POLA1: variants seen among roughly 807,000 people sequenced by gnomAD.
POLA1 encodes DNA polymerase alpha 1, catalytic subunit.
A neutral mutation model predicts 124.0 loss-of-function variants in POLA1; 15 were observed. The observed-to-expected ratio is 0.12, with a 90% CI of 0.08 to 0.19. The LOEUF is 0.19. Ranked by LOEUF, POLA1 falls within the 10% of genes least tolerant of loss-of-function variation. POLA1 has a pLI of 1.00. For missense variants in POLA1, 886 were observed against 1,103.4 expected (o/e 0.80, Z 2.79); for synonymous variants, 408 against 389.4 (o/e 1.05, Z -0.56).
At chrX:24,995,712 C>G in intron 36 of POLA1, 93 bp from the exon 37 acceptor site, 1 of 787,103 alleles carries the variant, frequency 1.3e-6, no homozygotes, top group South Asian at 2.6e-5. Flanking sequence ...GGTGGAGATA[C>G]AAATGGAATC....
rs746188308 is a variant in POLA1 at position 24,699,557 on chromosome X, A to AC, written c.168+10dup. 4.4e-6 allele frequency: 5 copies of AC among 1,131,002 alleles called. No homozygotes were observed. Among genetic ancestry groups the AC allele is most frequent in the Non-Finnish European group, 5.9e-6 (5 of 849,034 alleles). 93.2% of individuals were successfully genotyped at this position (1,131,002 alleles called of 1,213,427 possible). A position where few individuals can be genotyped will look rare whatever the true frequency, so the allele number is the denominator to read the frequency against. Reference sequence around the variant, plus strand: ...GAGAAGTATAAATATGAAGTAAGTAACCATTTTTCTTCTTTATTCTTCCTG... The same window carrying AC: ...GAGAAGTATAAATATGAAGTAAGTAACCCATTTTTCTTCTTTATTCTTCCTG... On this transcript the variant is annotated intron_variant, in intron 2 of 36. Coordinates refer to ENST00000379068, the MANE Select transcript of POLA1 (RefSeq NM_001330360.2).
chrX:24,847,161 A>T (rs1346320005), intron 34 of POLA1, among the ~76,000 whole-genome samples: 1 of 111,735 alleles, frequency 8.9e-6, no homozygotes, highest in Non-Finnish European at 1.9e-5. Context: ...AGAGTCTGAG[A>T]TTGAGAAGCT....
chrX:24,745,346 T>C, intron 23 of POLA1, 72 bp from the exon 24 acceptor site: 3 of 742,199 alleles, frequency 4.0e-6, no homozygotes, highest in Non-Finnish European at 5.9e-6. Flanking sequence ...ATACTTACAG[T>C]GCTTTTAATA....
chrX:24,985,528 T>C (rs1281134665), intron 36 of POLA1, among the ~76,000 whole-genome samples: 1 of 112,806 alleles, frequency 8.9e-6, no homozygotes, highest in African/African-American at 3.2e-5. Flanking sequence ...AAAGCCACTT[T>C]CCATTGTTTT....
chrX:24,821,418 T>C, intron 30 of POLA1, 34 bp from the exon 31 acceptor site: 1 of 1,165,510 alleles, frequency 8.6e-7, no homozygotes, highest in Non-Finnish European at 1.2e-6. Flanking sequence ...GGGTTTTATT[T>C]TAAGGCTTAG....
At chrX:24,858,693 C>T (rs760176660) in intron 34 of POLA1, among the ~76,000 whole-genome samples, 31 of 112,205 alleles carry the variant, frequency 2.8e-4, no homozygotes, top group African/African-American at 1.0e-3. Context: ...AATGTTTTGG[C>T]CTTCTTCACA....
At chrX:24,720,217 C>T in intron 10 of POLA1, among the ~76,000 whole-genome samples, 1 of 111,891 alleles carries the variant, frequency 8.9e-6, no homozygotes, top group Non-Finnish European at 1.9e-5. Context: ...ATGTTATCTC[C>T]TGGGAGTGTA....
chrX:24,855,135 A>G (rs761768620), intron 34 of POLA1, among the ~76,000 whole-genome samples: 1 of 111,673 alleles, frequency 9.0e-6, no homozygotes, highest in East Asian at 2.8e-4. Context: ...AATTGGAAAG[A>G]TAAATACAAG....
intron 35 of POLA1, among the ~76,000 whole-genome samples, chrX:24,921,114 A>G (rs1482267966): frequency 1.8e-5 from 2 of 112,598 alleles, no homozygotes; most frequent in Non-Finnish European, 3.7e-5. Flanking sequence ...AATAAGGGAA[A>G]TAATCCCAGT....
rs749366012 is a variant in POLA1, at chrX:24,841,851, A to G, written c.3915+21A>G. On this transcript the variant is annotated intron_variant, in intron 33 of 36. Coordinates refer to ENST00000379068, the MANE Select transcript of POLA1 (RefSeq NM_001330360.2). ...GTTCGGTTAGTTGTTTCTGTCTTTC[A>G]TTTTGTGAGTGAACTTGTATAAAGG... is the stretch of plus-strand genomic sequence containing the variant. 27 of 1,145,165 alleles carry G rather than the reference A, an allele frequency of 2.4e-5. No individual in the cohort carries two copies. In the Admixed American group the frequency reaches 6.0e-4, roughly 26 times the overall value. 94.4% of individuals were successfully genotyped at this position (1,145,165 alleles called of 1,213,427 possible). A position where few individuals can be genotyped will look rare whatever the true frequency, so the allele number is the denominator to read the frequency against.
intron 36 of POLA1, among the ~76,000 whole-genome samples, chrX:24,955,167 T>C (rs183761544): frequency 1.2e-3 from 127 of 109,102 alleles, no homozygotes; most frequent in Admixed American, 3.5e-3. Flanking sequence ...TTTTTTTTTT[T>C]TCTTCTCTTT....
chrX:24,694,485 T>C (rs747564210), intron 1 of POLA1, among the ~76,000 whole-genome samples: 1 of 112,438 alleles, frequency 8.9e-6, no homozygotes, highest in South Asian at 3.7e-4. Context: ...ACGCGTTTTG[T>C]ATTTTTAGGT....
At chrX:24,950,587 T>C (rs1347582300) in intron 36 of POLA1, among the ~76,000 whole-genome samples, 1 of 112,395 alleles carries the variant, frequency 8.9e-6, no homozygotes, top group African/African-American at 3.2e-5. Context: ...GTTCAACATA[T>C]TAAAATATTG....
At chrX:24,795,753 T>A (rs1179403327) in intron 26 of POLA1, among the ~76,000 whole-genome samples, 1 of 108,415 alleles carries the variant, frequency 9.2e-6, no homozygotes, top group Non-Finnish European at 1.9e-5. Context: ...GACTCCTGGC[T>A]TCTTACCACC....
At chrX:24,798,734 A>G (rs1018775263) in intron 26 of POLA1, among the ~76,000 whole-genome samples, 3 of 111,212 alleles carry the variant, frequency 2.7e-5, no homozygotes, top group South Asian at 3.8e-4. Context: ...AAAGTTATAC[A>G]TGGATTTTTG....
intron 36 of POLA1, among the ~76,000 whole-genome samples, chrX:24,961,099 G>C (rs1318738414): frequency 9.0e-6 from 1 of 111,713 alleles, no homozygotes; most frequent in Non-Finnish European, 1.9e-5. Flanking sequence ...TTTGCAGCTA[G>C]CTGTTCCTTT....
intron 1 of POLA1, 75 bp downstream of exon 1, chrX:24,694,079 A>G: frequency 1.0e-6 from 1 of 969,263 alleles, no homozygotes; most frequent in Non-Finnish European, 1.4e-6. Flanking sequence ...GTTCTGAGGG[A>G]GGCGCACACC....
At chrX:24,984,248 T>G (rs904874214) in intron 36 of POLA1, among the ~76,000 whole-genome samples, 1 of 112,493 alleles carries the variant, frequency 8.9e-6, no homozygotes, top group Admixed American at 9.4e-5. Context: ...GTGGGGATTC[T>G]TCCTTGGTAG....
chrX:24,770,994 A>G (rs772096532), intron 26 of POLA1, among the ~76,000 whole-genome samples: 2 of 111,629 alleles, frequency 1.8e-5, no homozygotes, highest in African/African-American at 6.5e-5. Context: ...ACAACTCAAG[A>G]TAAGTGAAAA....
Sources: gnomAD v4.1 joint callset for allele counts (sites outside exome capture counted in the v4.1 genomes callset) on GRCh38, gnomAD v4.1.1 for gene constraint, MANE v1.5 for transcripts, NCBI Gene and HGNC (gene_info 2026-07-23, HGNC 2026-07-21) for gene names.